SEMA4F: variants seen among roughly 807,000 people sequenced by gnomAD.
SEMA4F encodes the protein semaphorin-4F.
SEMA4F carries 51 observed loss-of-function variants against 78.4 expected under a neutral mutation model. The observed-to-expected ratio is 0.65, with a 90% CI of 0.52 to 0.82. The LOEUF (loss-of-function observed/expected upper bound fraction) is 0.82, where lower values mean the gene tolerates loss of function less well. Ranked by LOEUF, SEMA4F falls within the 40% of genes least tolerant of loss-of-function variation. The probability of loss-of-function intolerance (pLI) is 0.00; values close to 1 mark genes in which losing one functional copy is unlikely to be tolerated. For synonymous variants in SEMA4F, 418 were observed against 408.7 expected, an observed-to-expected ratio of 1.02 and a Z score of -0.27; for missense variants, 938 against 1,014.4, an observed-to-expected ratio of 0.92 and a Z score of 1.02.
At chr2:74,662,301 C>T (rs1684467107) in intron 4 of SEMA4F, among the ~76,000 whole-genome samples, 1 of 152,134 alleles carries the variant, frequency 6.6e-6, no homozygotes, top group South Asian at 2.1e-4. Flanking sequence ...TTTCTTTGTC[C>T]TTTCTAAGGT....
At chr2:74,654,568 C>G (rs1684019420) in intron 1 of SEMA4F, 47 bp downstream of exon 1, 1 of 1,450,978 alleles carries the variant, frequency 6.9e-7, no homozygotes, top group Admixed American at 2.3e-5. Context: ...CCCACACCCA[C>G]ACCCACACCC....
chr2:74,680,313 C>G lies in SEMA4F; in HGVS notation c.*104C>G. 2 of 1,326,682 alleles carry G rather than the reference C, an allele frequency of 1.5e-6. No individual in the cohort carries two copies. 82.2% of individuals were successfully genotyped at this position (1,326,682 alleles called of 1,614,324 possible). A position where few individuals can be genotyped will look rare whatever the true frequency, so the allele number is the denominator to read the frequency against. ...GGAAGACCATCCCAGCCTCTGAGTT[C>G]TCTTTGAGTATGAGTGATTACTTGG... On this transcript the variant is annotated 3_prime_UTR_variant, in exon 14 of 14. Coordinates refer to ENST00000357877, the MANE Select transcript of SEMA4F (RefSeq NM_004263.5).
At chr2:74,689,094 T>C in the SEMA4F span, among the ~76,000 whole-genome samples, 1 of 152,162 alleles carries the variant, frequency 6.6e-6, no homozygotes, top group Non-Finnish European at 1.5e-5. Flanking sequence ...AACCCAAAGA[T>C]ACCTCATTCT....
At chr2:74,702,588 G>T in the SEMA4F span, among the ~76,000 whole-genome samples, 1 of 152,086 alleles carries the variant, frequency 6.6e-6, no homozygotes, top group Non-Finnish European at 1.5e-5. Flanking sequence ...AAGATCAAGG[G>T]GAATCCTAGA....
At position 74,673,499 on chromosome 2, in the gene SEMA4F, C is replaced by T. The variant is rs374253441; in HGVS notation, c.593C>T (p.Thr198Met). Residue 198 changes from threonine to methionine, a missense_variant, in exon 6 of 14, where the codon ACG becomes ATG. Transcript: ENST00000357877. ...YAATVKNYLG[T>M]EPIITRAVGR... ...GCCACTGTGAAAAACTACCTGGGGA[C>T]GGAGCCAATTATCACCAGAGCAGTG... is the stretch of plus-strand genomic sequence containing the variant. 36 of 1,614,016 alleles carry T rather than the reference C, an allele frequency of 2.2e-5. No homozygotes were observed. Among genetic ancestry groups the T allele is most frequent in the Admixed American group, 1.0e-4 (6 of 60,004 alleles).
At position 74,657,600 on chromosome 2, in the gene SEMA4F, C is replaced by T. The variant is rs750588202; in HGVS notation, c.333C>T (p.Asn111=). ...DWMVPEAHRQ[N]CRKKGKKEDE... ...TGGTTCCTGAGGCTCACAGACAGAA[C>T]TGTAGGAAGAAAGGCAAGAAAGAGG... is the stretch of plus-strand genomic sequence containing the variant. The change falls in exon 3 of 14, where the codon AAC becomes AAT. Residue 111 remains asparagine (N), a synonymous_variant. Transcript: ENST00000357877. 1 of 1,614,182 alleles carries T rather than the reference C, an allele frequency of 6.2e-7. No individual in the cohort carries two copies. The highest frequency in any genetic ancestry group is 8.5e-7 in the Non-Finnish European group (1 of 1,180,026).
At chr2:74,686,244 C>T (rs1204113341), downstream of SEMA4F, among the ~76,000 whole-genome samples, 2 of 152,036 alleles carry the variant, frequency 1.3e-5, no homozygotes, top group Non-Finnish European at 2.9e-5. Context: ...GGACTACAGG[C>T]GCCTACCACC....
chr2:74,672,700 C>G (rs1242315102), intron 5 of SEMA4F, among the ~76,000 whole-genome samples: 1 of 152,030 alleles, frequency 6.6e-6, no homozygotes, highest in Non-Finnish European at 1.5e-5. Context: ...TGTGATTTGT[C>G]TCTTACTCAG....
In SEMA4F at chr2:74,682,638, T is replaced by C. The variant is rs6716578; in HGVS notation, c.*2429T>C. The C allele has an allele frequency of 0.18, 27,982 of 152,046 alleles. 3,884 individuals carry two copies. Among genetic ancestry groups the C allele is most frequent in the East Asian group, 0.82 (4,240 of 5,144 alleles). The allele number at this position is 152,046 out of a possible 1,614,324, so 9.4% of individuals were successfully genotyped here. A position where few individuals can be genotyped will look rare whatever the true frequency, so the allele number is the denominator to read the frequency against. ...CTTTGTATAGAATGGAGGAAGGCTG[T>C]GTGTTCTTTGGTTTACCCTCAGCCT... is the stretch of plus-strand genomic sequence containing the variant. On this transcript the variant is annotated 3_prime_UTR_variant, in exon 14 of 14. Coordinates refer to ENST00000357877, the MANE Select transcript of SEMA4F (RefSeq NM_004263.5).
At chr2:74,661,443 G>T (rs1302665200) in intron 4 of SEMA4F, among the ~76,000 whole-genome samples, 1 of 152,200 alleles carries the variant, frequency 6.6e-6, no homozygotes. Context: ...AGATGATGTG[G>T]AGAAAGGAGT....
In SEMA4F at chr2:74,658,096, G is replaced by A; in HGVS notation, c.456+145G>A. The A allele has an allele frequency of 2.8e-6, 2 of 724,012 alleles. No homozygotes were observed. Among genetic ancestry groups the A allele is most frequent in the Non-Finnish European group, 4.8e-6 (2 of 413,316 alleles). The allele number at this position is 724,012 out of a possible 1,614,324, so 44.8% of individuals were successfully genotyped here. On this transcript the variant is annotated intron_variant, in intron 4 of 13. Coordinates refer to ENST00000357877, the MANE Select transcript of SEMA4F (RefSeq NM_004263.5). The surrounding 1 kb of genome is among the most constrained non-coding windows in gnomAD (Gnocchi z 4.3). ...GCAACCATTGTGCATGATAAGCATT[G>A]GGTGTAGGGGCTGTCCTCATGGGAT...
chr2:74,674,503 C>A lies in SEMA4F; in HGVS notation c.828C>A (p.Asp276Glu). 1 of 1,612,190 alleles carries A rather than the reference C, an allele frequency of 6.2e-7. No homozygotes were observed. The highest frequency in any genetic ancestry group is 1.7e-4 in the Middle Eastern group (1 of 6,018). ...CCATGTGTTTGTCACCCCAGGGGGA[C>A]CTCGGGGGCCGGAAGACCCTCCAGC... Reference protein sequence around the residue: ...VPRVARVCAGDLGGRKTLQQR... With the variant: ...VPRVARVCAGELGGRKTLQQR... Residue 276 changes from aspartate (D) to glutamate (E), a missense_variant, in exon 8 of 14, where the codon GAC (aspartate) becomes GAA (glutamate). Asp to Glu is a conservative substitution (Grantham distance 45). Transcript: ENST00000357877.
At chr2:74,678,250 G>C (rs549519627) in intron 12 of SEMA4F, among the ~76,000 whole-genome samples, 1 of 152,290 alleles carries the variant, frequency 6.6e-6, no homozygotes, top group East Asian at 1.9e-4. Context: ...CATGAGTGGA[G>C]GGGGGTGGTG....
Position 74,654,270 on chromosome 2 carries a change from G to A in SEMA4F, c.-107G>A. On this transcript the variant is annotated 5_prime_UTR_variant, in exon 1 of 14. Coordinates refer to ENST00000357877, the MANE Select transcript of SEMA4F (RefSeq NM_004263.5). ...GTGTTTCATCCCTCAGCCTCAGGCT[G>A]AGCCGGACCGAGCCGAGAGGACCCG... The A allele has an allele frequency of 1.5e-6, 2 of 1,294,036 alleles. No individual in the cohort carries two copies. The highest frequency in any genetic ancestry group is 1.8e-5 in the South Asian group (1 of 55,116). 80.2% of individuals were successfully genotyped at this position (1,294,036 alleles called of 1,614,324 possible).
At chr2:74,678,601 C>G (rs1438884373) in intron 12 of SEMA4F, among the ~76,000 whole-genome samples, 1 of 152,134 alleles carries the variant, frequency 6.6e-6, no homozygotes, top group African/African-American at 2.4e-5. Flanking sequence ...TCATTGACTT[C>G]CCAGCCTCTG....
chr2:74,664,813 T>G (rs1322982469), intron 5 of SEMA4F, among the ~76,000 whole-genome samples: 1 of 152,222 alleles, frequency 6.6e-6, no homozygotes, highest in Non-Finnish European at 1.5e-5. Flanking sequence ...AGGTAGGATA[T>G]TAGTATTTCA....
rs983727191 is a variant in SEMA4F at position 74,654,420 on chromosome 2, C to G, written c.44C>G (p.Pro15Arg). Residue 15 changes from proline (P) to arginine (R), a missense_variant, in exon 1 of 14, where the codon CCT becomes CGT. Transcript: ENST00000357877. ...CGGCCCCGCCCGGGTCCCGGGCAGCCTACAGCCTCGCCCTTCCCGCTACTG... is the reference window on the plus strand; with the variant it reads ...CGGCCCCGCCCGGGTCCCGGGCAGCGTACAGCCTCGCCCTTCCCGCTACTG... The part of the protein sequence containing the change: ...AARPRPGPGQ[P>R]TASPFPLLLL... 6.7e-5 allele frequency: 104 copies of G among 1,553,362 alleles called. No individual in the cohort carries two copies. The highest frequency in any genetic ancestry group is 9.2e-5 in the Admixed American group (5 of 54,480).
In SEMA4F at chr2:74,679,917, C is replaced by T. The variant is rs933051560; in HGVS notation, c.2021C>T (p.Ser674Phe). ...TTCTTCTTGGGGATTCTCGCAGCAT[C>T]CCTGACTCTCATTCTGATTGGTCGG... ...AGFFLGILAA[S>F]LTLILIGRRQ... Residue 674 changes from serine to phenylalanine, a missense_variant, in exon 14 of 14, where the codon TCC (serine) becomes TTC (phenylalanine). Physicochemically the swap from Ser to Phe is radical, Grantham distance 155 (BLOSUM62 -2). Coordinates refer to ENST00000357877, the MANE Select transcript of SEMA4F (RefSeq NM_004263.5). The T allele has an allele frequency of 6.2e-6, 10 of 1,614,086 alleles. No individual in the cohort carries two copies. The highest frequency in any genetic ancestry group is 1.7e-5 in the Admixed American group (1 of 59,998).
At chr2:74,706,309 A>G in the SEMA4F span, among the ~76,000 whole-genome samples, 3 of 152,208 alleles carry the variant, frequency 2.0e-5, no homozygotes, top group Admixed American at 1.3e-4. Flanking sequence ...CAAAGAACTT[A>G]TCGATATTCA....
Sources: allele counts gnomAD v4.1 joint callset (sites outside exome capture counted in the v4.1 genomes callset), GRCh38; gene constraint gnomAD v4.1.1; non-coding constraint Gnocchi (gnomAD v3.1); transcripts MANE v1.5; gene names NCBI Gene and HGNC (gene_info 2026-07-23, HGNC 2026-07-21).